The following VWA8 variants were observed in gnomAD, a reference collection of about 807,000 sequenced individuals.
VWA8 encodes the protein von Willebrand factor A domain containing 8, also known as von Willebrand factor A domain-containing protein 8.
Under a neutral mutation model 241.5 loss-of-function variants are expected in VWA8, and 221 were observed. That is an observed-to-expected ratio of 0.91 (90% CI 0.82 to 1.02). VWA8 has a LOEUF of 1.02. VWA8 is among the 50% of genes least tolerant of loss of function. VWA8 has a pLI of 0.00. For missense variants in VWA8, 2,322 were observed against 2,328.7 expected (o/e 1.00, Z 0.06); for synonymous variants, 852 against 827.1 (o/e 1.03, Z -0.52).
chr13:41,947,931 CA>C (rs1218456579), intron 2 of VWA8, among the ~76,000 whole-genome samples: 2,049 of 20,610 alleles, frequency 0.099, 46 homozygotes, highest in African/African-American at 0.22. Flanking sequence ...GACCCTGTCT[CA>C]AAAAAAAAAA....
chr13:41,828,395 T>C (rs1391878000), intron 14 of VWA8, among the ~76,000 whole-genome samples: 1 of 152,188 alleles, frequency 6.6e-6, no homozygotes, highest in Non-Finnish European at 1.5e-5. Context: ...TGTATGCCAA[T>C]CTCTAATTCT....
intron 21 of VWA8, among the ~76,000 whole-genome samples, chr13:41,749,906 G>A (rs544848715): frequency 1.5e-3 from 228 of 151,764 alleles, no homozygotes; most frequent in African/African-American, 5.2e-3. Context: ...GATAGCATTA[G>A]GAGATATACC....
At chr13:41,778,458 A>T (rs1390675420) in intron 19 of VWA8, among the ~76,000 whole-genome samples, 2 of 152,194 alleles carry the variant, frequency 1.3e-5, no homozygotes, top group Admixed American at 1.3e-4. Flanking sequence ...ACTTGTTCTT[A>T]ACCATTACCT....
chr13:41,734,386 T>C (rs2045509062), intron 21 of VWA8, among the ~76,000 whole-genome samples: 1 of 152,064 alleles, frequency 6.6e-6, no homozygotes, highest in Admixed American at 6.6e-5. Flanking sequence ...AGGTCTGTAT[T>C]AGAAAGTACA....
At chr13:41,725,386 G>A (rs1190532260) in intron 24 of VWA8, among the ~76,000 whole-genome samples, 1 of 152,082 alleles carries the variant, frequency 6.6e-6, no homozygotes, top group Non-Finnish European at 1.5e-5. Context: ...GGACAATTGA[G>A]GACAGAATAT....
chr13:41,712,906 G>T (rs1457474621), intron 26 of VWA8, among the ~76,000 whole-genome samples: 1 of 152,178 alleles, frequency 6.6e-6, no homozygotes. Flanking sequence ...ATAAAGACTT[G>T]ATAAATGTCA....
At chr13:41,877,694 C>T (rs889712009) in intron 9 of VWA8, among the ~76,000 whole-genome samples, 2 of 151,962 alleles carry the variant, frequency 1.3e-5, no homozygotes, top group Non-Finnish European at 2.9e-5. Context: ...GAGAACTTAC[C>T]AATTTAACCA....
chr13:41,807,015 C>T (rs932983738), intron 17 of VWA8, among the ~76,000 whole-genome samples: 2 of 152,068 alleles, frequency 1.3e-5, no homozygotes, highest in African/African-American at 4.8e-5. Flanking sequence ...GACGTTAGAA[C>T]TGTTACCACA....
intron 2 of VWA8, among the ~76,000 whole-genome samples, chr13:41,936,651 G>A (rs1384878512): frequency 6.6e-6 from 1 of 152,128 alleles, no homozygotes; most frequent in Non-Finnish European, 1.5e-5. Context: ...CAAAATTTCA[G>A]CTAGGAGAAA....
At chr13:41,910,793 T>A (rs1436217469) in intron 3 of VWA8, among the ~76,000 whole-genome samples, 1 of 152,196 alleles carries the variant, frequency 6.6e-6, no homozygotes, top group African/African-American at 2.4e-5. Flanking sequence ...GATTTATTCA[T>A]GTATTTATTA....
At chr13:41,698,464 C>G (rs563120400) in intron 29 of VWA8, among the ~76,000 whole-genome samples, 10 of 152,172 alleles carry the variant, frequency 6.6e-5, no homozygotes, top group Non-Finnish European at 1.2e-4. Flanking sequence ...GTGCTTGTCA[C>G]TAGTACAATC....
At chr13:41,634,815 A>C (rs982520411) in intron 37 of VWA8, among the ~76,000 whole-genome samples, 3 of 152,220 alleles carry the variant, frequency 2.0e-5, no homozygotes, top group Middle Eastern at 3.2e-3. Context: ...AATTTGAATA[A>C]AATGGAAAGT....
At chr13:41,593,967 T>C (rs1365219728) in intron 40 of VWA8, among the ~76,000 whole-genome samples, 1 of 152,110 alleles carries the variant, frequency 6.6e-6, no homozygotes, top group Non-Finnish European at 1.5e-5. Flanking sequence ...CATGAAGCAT[T>C]GATTTTCCAA....
chr13:41,953,174 T>C (rs900777028), intron 1 of VWA8, among the ~76,000 whole-genome samples: 2 of 152,150 alleles, frequency 1.3e-5, no homozygotes, highest in East Asian at 3.8e-4. Context: ...TAAAGAAGGA[T>C]ACAGGATAAG....
chr13:41,736,683 A>G (rs1453667397), intron 21 of VWA8, among the ~76,000 whole-genome samples: 4 of 152,132 alleles, frequency 2.6e-5, no homozygotes, highest in South Asian at 2.1e-4. Context: ...TAAGAGTTTC[A>G]TAAGAGCTGA....
chr13:41,632,632 T>A (rs9594598), intron 37 of VWA8, among the ~76,000 whole-genome samples: 5,013 of 152,246 alleles, frequency 0.033, 272 homozygotes, highest in African/African-American at 0.11. Context: ...ATTATACTGT[T>A]ACCTATCATT....
chr13:41,587,511 C>A lies in VWA8; in HGVS notation c.5271+1G>T. ...TCATTATTCTTAGTTCATGTCATTA[C>A]CTGGAACTTCTCCTCATAGTTCTCG... On this transcript the variant is annotated splice_donor_variant, in intron 42 of 44. Transcript: ENST00000379310. LOFTEE classifies it high-confidence loss of function. 6.2e-7 allele frequency: 1 copy of A among 1,614,110 alleles called. No homozygotes were observed. Among genetic ancestry groups the A allele is most frequent in the Non-Finnish European group, 8.5e-7 (1 of 1,180,012 alleles).
At chr13:41,792,982 A>G (rs1836617833) in intron 17 of VWA8, among the ~76,000 whole-genome samples, 1 of 152,104 alleles carries the variant, frequency 6.6e-6, no homozygotes, top group South Asian at 2.1e-4. Context: ...AATGTAGCTA[A>G]TCATATAACC....
chr13:41,762,507 T>C (rs1356196832), intron 20 of VWA8, among the ~76,000 whole-genome samples: 2 of 152,194 alleles, frequency 1.3e-5, no homozygotes, highest in Non-Finnish European at 2.9e-5. Context: ...CCCTGCATTA[T>C]GGAATATCTT....
Sources: gnomAD v4.1 joint callset for allele counts (sites outside exome capture counted in the v4.1 genomes callset) on GRCh38, gnomAD v4.1.1 for gene constraint, MANE v1.5 for transcripts, NCBI Gene and HGNC (gene_info 2026-07-23, HGNC 2026-07-21) for gene names.